The following IL23R variants were observed in gnomAD, a reference collection of about 807,000 sequenced individuals.
IL23R encodes the protein interleukin-23 receptor.
A neutral mutation model predicts 56.9 loss-of-function variants in IL23R; 34 were observed. That is an observed-to-expected ratio of 0.60 (90% CI 0.45 to 0.80). IL23R has a LOEUF of 0.80. IL23R is among the 30% of genes least tolerant of loss of function. The pLI is 0.00. For missense variants in IL23R, 635 were observed against 730.0 expected, an observed-to-expected ratio of 0.87 and a Z score of 1.50; for synonymous variants, 230 against 249.2, an observed-to-expected ratio of 0.92 and a Z score of 0.73.
At chr1:67,216,651 A>G (rs546584337) in intron 6 of IL23R, among the ~76,000 whole-genome samples, 2 of 152,318 alleles carry the variant, frequency 1.3e-5, no homozygotes, top group African/African-American at 4.8e-5. Flanking sequence ...AATTTCACAT[A>G]ATTTCCATAC....
In IL23R at chr1:67,216,738, G is replaced by A. The variant is rs116126460; in HGVS notation, c.799-2836G>A. On this transcript the variant is annotated intron_variant, in intron 6 of 10. Transcript: ENST00000347310. ...GAGAAAACCATTCTTAACTTAGGCTGCACAAAACCAAGTATTTATTCTTTT... is the reference window on the plus strand; with the variant it reads ...GAGAAAACCATTCTTAACTTAGGCTACACAAAACCAAGTATTTATTCTTTT... Among the ~76,000 whole-genome samples the A allele has an allele frequency of 5.8e-3, 877 of 152,234 alleles. 7 individuals are homozygous for A. Among genetic ancestry groups the A allele is most frequent in the African/African-American group, 0.02 (845 of 41,528 alleles).
chr1:67,242,936 C>T (rs1466593534), intron 9 of IL23R, among the ~76,000 whole-genome samples: 5 of 152,114 alleles, frequency 3.3e-5, no homozygotes, highest in African/African-American at 1.2e-4. Context: ...GTACCTGAAG[C>T]TTTGATTGTT....
At chr1:67,193,766 C>T (rs1647918657) in intron 4 of IL23R, among the ~76,000 whole-genome samples, 1 of 152,196 alleles carries the variant, frequency 6.6e-6, no homozygotes, top group Non-Finnish European at 1.5e-5. Flanking sequence ...CCCCACACAC[C>T]AATCAATTCT....
chr1:67,220,505 A>G (rs1246483245), intron 7 of IL23R, among the ~76,000 whole-genome samples: 4 of 152,144 alleles, frequency 2.6e-5, no homozygotes, highest in Admixed American at 2.6e-4. Flanking sequence ...TTAAATTGTC[A>G]TTTTGCTTTG....
chr1:67,181,395 A>G (rs958366290), intron 3 of IL23R, among the ~76,000 whole-genome samples: 5 of 152,120 alleles, frequency 3.3e-5, no homozygotes, highest in African/African-American at 1.2e-4. Context: ...ATATTCCATC[A>G]CTGATACCCT....
At chr1:67,183,246 A>G (rs778637649) in intron 4 of IL23R, among the ~76,000 whole-genome samples, 4 of 152,204 alleles carry the variant, frequency 2.6e-5, no homozygotes, top group South Asian at 2.1e-4. Flanking sequence ...GTTTTAAGCC[A>G]TTGCTTAGGA....
chr1:67,152,168 G>C (rs1646734214), intron 1 of IL23R, among the ~76,000 whole-genome samples: 1 of 152,114 alleles, frequency 6.6e-6, no homozygotes, highest in African/African-American at 2.4e-5. Flanking sequence ...TCCTTGAAGA[G>C]GTCCTTCATG....
chr1:67,140,577 T>C (rs1646627551), intron 1 of IL23R, among the ~76,000 whole-genome samples: 1 of 152,202 alleles, frequency 6.6e-6, no homozygotes, highest in African/African-American at 2.4e-5. Context: ...TATGCTCTAC[T>C]GGTTGAACTG....
downstream of IL23R, among the ~76,000 whole-genome samples, chr1:67,262,018 G>A (rs1401295080): frequency 6.6e-6 from 1 of 152,190 alleles, no homozygotes; most frequent in Non-Finnish European, 1.5e-5. Flanking sequence ...GGCTATACCT[G>A]CAATGGGAGC....
intron 6 of IL23R, among the ~76,000 whole-genome samples, chr1:67,208,977 C>T (rs1425237828): frequency 6.6e-6 from 1 of 152,150 alleles, no homozygotes; most frequent in African/African-American, 2.4e-5. Flanking sequence ...GGGAACCCAC[C>T]TCTTTTATCA....
intron 4 of IL23R, among the ~76,000 whole-genome samples, chr1:67,197,873 C>G (rs1455183631): frequency 6.6e-6 from 1 of 151,874 alleles, no homozygotes; most frequent in Non-Finnish European, 1.5e-5. Flanking sequence ...GAGGTCAAGA[C>G]TGCAGTGAGC....
At chr1:67,183,925 T>C (rs1647201775) in intron 4 of IL23R, among the ~76,000 whole-genome samples, 1 of 152,170 alleles carries the variant, frequency 6.6e-6, no homozygotes. Flanking sequence ...TCTTGTTTTG[T>C]TTAGTTTATT....
At chr1:67,159,453 A>G (rs1294455088) in intron 1 of IL23R, among the ~76,000 whole-genome samples, 1 of 152,154 alleles carries the variant, frequency 6.6e-6, no homozygotes, top group East Asian at 1.9e-4. Flanking sequence ...CTGTGAGTCA[A>G]TTAAACCTCT....
intron 6 of IL23R, among the ~76,000 whole-genome samples, chr1:67,210,722 G>T (rs1183386992): frequency 6.6e-6 from 1 of 151,900 alleles, no homozygotes; most frequent in Non-Finnish European, 1.5e-5. Flanking sequence ...TGGCTTTCTC[G>T]TCAGCCTCCC....
chr1:67,231,883 G>C (rs1444466118), intron 7 of IL23R: 1 of 152,184 alleles, frequency 6.6e-6, no homozygotes, highest in Non-Finnish European at 1.5e-5. Context: ...AGCTGGGCGT[G>C]GTAGTGTGCA....
chr1:67,141,329 A>G (rs1646635596), intron 1 of IL23R, among the ~76,000 whole-genome samples: 1 of 152,130 alleles, frequency 6.6e-6, no homozygotes, highest in Non-Finnish European at 1.5e-5. Flanking sequence ...CTATTAATGT[A>G]TTATTTTTGC....
chr1:67,141,835 TC>T (rs1646640555), intron 1 of IL23R, among the ~76,000 whole-genome samples: 1 of 151,640 alleles, frequency 6.6e-6, no homozygotes, highest in East Asian at 1.9e-4. Context: ...TCGATTAACA[TC>T]CAAAGGGCTG....
chr1:67,169,239 T>A (rs1299967562), intron 2 of IL23R, 103 bp from the exon 3 acceptor site: 1 of 883,098 alleles, frequency 1.1e-6, no homozygotes, highest in Non-Finnish European at 1.8e-6. Flanking sequence ...ATGGAATCAT[T>A]TAGTTAATAG....
downstream of IL23R, among the ~76,000 whole-genome samples, chr1:67,264,536 A>G (rs1412676617): frequency 2.7e-5 from 4 of 147,378 alleles, no homozygotes; most frequent in Non-Finnish European, 6.1e-5. Context: ...ACAATATAAC[A>G]TAATTGGGTT....
Sources: gnomAD v4.1 joint callset for allele counts (sites outside exome capture counted in the v4.1 genomes callset) on GRCh38, gnomAD v4.1.1 for gene constraint, MANE v1.5 for transcripts, NCBI Gene and HGNC (gene_info 2026-07-23, HGNC 2026-07-21) for gene names.